KMT2C: variants seen among roughly 807,000 people sequenced by gnomAD.
KMT2C encodes lysine methyltransferase 2C, also known as histone-lysine N-methyltransferase 2C.
Under a neutral mutation model 507.9 loss-of-function variants are expected in KMT2C, and 88 were observed. That is an observed-to-expected ratio of 0.17 (90% CI 0.15 to 0.21). The LOEUF (loss-of-function observed/expected upper bound fraction) is 0.21, where lower values mean the gene tolerates loss of function less well. Among genes scored for constraint, KMT2C ranks in the 10% least tolerant of loss-of-function variants. The probability of loss-of-function intolerance (pLI) is 1.00; values close to 1 mark genes in which losing one functional copy is unlikely to be tolerated. For synonymous variants in KMT2C, 2,049 were observed against 2,080.8 expected (o/e 0.98, Z 0.42); for missense variants, 4,954 against 5,957.8 (o/e 0.83, Z 5.55).
chr7:152,344,266 A>G (rs2097030038), intron 2 of KMT2C, among the ~76,000 whole-genome samples: 3 of 152,298 alleles, frequency 2.0e-5, no homozygotes, highest in Middle Eastern at 6.8e-3. Flanking sequence ...CTGAAACCAA[A>G]TAACAGCAAA....
Position 152,174,245 on chromosome 7 carries a change from A to T in KMT2C, c.9263-3T>A, listed in dbSNP as rs2093094758. On this transcript the variant is annotated splice_polypyrimidine_tract_variant and splice_region_variant and intron_variant, in intron 38 of 58. Coordinates refer to ENST00000262189, the MANE Select transcript of KMT2C (RefSeq NM_170606.3). ...AGGATCTGTAATTGCATCAAAATCT[A>T]GAAAAGAAATATAAAGTTACTTATT... 1 of 1,453,134 alleles carries T rather than the reference A, an allele frequency of 6.9e-7. No homozygotes were observed. Among genetic ancestry groups the T allele is most frequent in the South Asian group, 1.2e-5 (1 of 84,792 alleles). The allele number at this position is 1,453,134 out of a possible 1,614,324, so 90.0% of individuals were successfully genotyped here. A position where few individuals can be genotyped will look rare whatever the true frequency, so the allele number is the denominator to read the frequency against.
chr7:152,162,030 G>C, intron 43 of KMT2C, 87 bp downstream of exon 43: 2 of 1,380,838 alleles, frequency 1.4e-6, no homozygotes, highest in Non-Finnish European at 1.9e-6. Flanking sequence ...GTAGAATAAT[G>C]TGGAAATACA....
rs758841277 is a variant in KMT2C, at chr7:152,162,192, C to A, written c.11385G>T (p.Glu3795Asp). 5 of 1,613,144 alleles carry A rather than the reference C, an allele frequency of 3.1e-6. No individual in the cohort carries two copies. The highest frequency in any genetic ancestry group is 3.4e-6 in the Non-Finnish European group (4 of 1,179,758). ...AGTCATCTTCTGAACAAATACTGCC[C>A]TCAGGTTTTTGATTCAAAAGAGAAG... ...KSSSLLNQKP[E>D]GSICSEDDCT... The change falls in exon 43 of 59, where the codon GAG becomes GAT. Residue 3795 changes from glutamate to aspartate, a missense_variant. Glu to Asp is a conservative substitution (Grantham distance 45). This residue lies in a region of KMT2C where 801 missense variants were observed against 751.2 expected (regional missense o/e 1.07). Transcript: ENST00000262189.
chr7:152,252,664 G>A lies in KMT2C; in HGVS notation c.1351C>T (p.His451Tyr). The A allele has an allele frequency of 2.5e-6, 4 of 1,612,902 alleles. No homozygotes were observed. The highest frequency in any genetic ancestry group is 3.4e-6 in the Non-Finnish European group (4 of 1,179,128). The change falls in exon 10 of 59, where the codon CAC becomes TAC. Residue 451 changes from histidine to tyrosine, a missense_variant. His to Tyr is a moderately conservative substitution (Grantham distance 83). This residue lies in a region of KMT2C where 376 missense variants were observed against 352.4 expected (regional missense o/e 1.07). Coordinates refer to ENST00000262189, the MANE Select transcript of KMT2C (RefSeq NM_170606.3). The part of the protein sequence containing the change: ...CGTRSSSQWH[H>Y]NCLICDNCYQ... ...CAATTGTCACATATCAGGCAATTGT[G>A]GTGCCACTGAGAACTAGACCGTGTG...
chr7:152,307,195 G>GAGGAAGGA (rs565184971), intron 6 of KMT2C, among the ~76,000 whole-genome samples: 2,586 of 64,672 alleles, frequency 0.04, 75 homozygotes, highest in East Asian at 0.068. Flanking sequence ...AAAGAAGAGG[G>GAGGAAGGA]AGGAAGGAAG....
rs571059296 is a variant in KMT2C at position 152,292,991 on chromosome 7, C to T, written c.849+16975G>A. 4.6e-5 allele frequency among the ~76,000 whole-genome samples: 7 copies of T among 152,258 alleles called. 1 individual carries two copies. The South Asian group carries it at 1.4e-3, about 32-fold the overall frequency. On this transcript the variant is annotated intron_variant, in intron 6 of 58. Transcript: ENST00000262189. ...TTTATACAGCTTTTCTAATTGTTCT[C>T]AGTGGAAAGGCTAGTCTAAACCAAG...
At chr7:152,198,033 C>A (rs1015113459) in intron 27 of KMT2C, among the ~76,000 whole-genome samples, 9 of 143,752 alleles carry the variant, frequency 6.3e-5, no homozygotes, top group African/African-American at 2.7e-4. Flanking sequence ...CTATTTAAGT[C>A]TTCAAAGTGG....
chr7:152,267,513 T>C (rs1167650324), intron 7 of KMT2C, among the ~76,000 whole-genome samples: 1 of 152,168 alleles, frequency 6.6e-6, no homozygotes, highest in Admixed American at 6.5e-5. Flanking sequence ...TGTATGTTTA[T>C]AGTTTAGTCT....
chr7:152,312,065 T>C (rs1354508567), intron 4 of KMT2C, 119 bp from the exon 5 acceptor site: 1 of 691,372 alleles, frequency 1.4e-6, no homozygotes, highest in African/African-American at 1.8e-5. Flanking sequence ...TTAACTGTCA[T>C]AAAACAACTT....
rs771311951 is a variant in KMT2C at position 152,162,620 on chromosome 7, G to A, written c.10957C>T (p.Pro3653Ser). 82 of 1,614,260 alleles carry A rather than the reference G, an allele frequency of 5.1e-5. 1 individual carries two copies. The Middle Eastern group carries it at 3.8e-3, about 75-fold the overall frequency. ...ACCGACTCTTGGTCGGCTTGTTGAG[G>A]AAGCTCACTGGGTGTGCTCACTGCA... is the stretch of plus-strand genomic sequence containing the variant. ...TPAVSTPSELPQQADQESVEP... is the reference protein window; with the variant it reads ...TPAVSTPSELSQQADQESVEP... Residue 3653 changes from proline (P) to serine (S), a missense_variant, in exon 43 of 59, where the codon CCT becomes TCT. Transcript: ENST00000262189.
intron 16 of KMT2C, among the ~76,000 whole-genome samples, chr7:152,230,870 T>A (rs1023614483): frequency 6.6e-6 from 1 of 152,128 alleles, no homozygotes; most frequent in Non-Finnish European, 1.5e-5. Context: ...CAGGCTGGAG[T>A]GTAATGGCGC....
At chr7:152,431,907 G>T (rs945751354) in intron 1 of KMT2C, among the ~76,000 whole-genome samples, 3 of 152,134 alleles carry the variant, frequency 2.0e-5, no homozygotes, top group African/African-American at 7.2e-5. Context: ...GGTATATATT[G>T]TAATGCAGTA....
At chr7:152,186,616 G>A (rs549941338) in intron 33 of KMT2C, among the ~76,000 whole-genome samples, 1 of 152,358 alleles carries the variant, frequency 6.6e-6, no homozygotes, top group East Asian at 1.9e-4. Context: ...TTAAGAGTTT[G>A]TGTATTGATA....
intron 1 of KMT2C, among the ~76,000 whole-genome samples, chr7:152,423,840 C>T (rs2097793990): frequency 1.3e-5 from 2 of 152,180 alleles, no homozygotes; most frequent in African/African-American, 4.8e-5. Context: ...GATCTCTGTA[C>T]AAGTCAACAA....
intron 2 of KMT2C, among the ~76,000 whole-genome samples, chr7:152,339,398 T>C (rs551957400): frequency 6.6e-6 from 1 of 152,298 alleles, no homozygotes; most frequent in Non-Finnish European, 1.5e-5. Context: ...ATGCAGTTGT[T>C]GCAGATATCC....
At chr7:152,206,651 T>A (rs2885115) in intron 24 of KMT2C, among the ~76,000 whole-genome samples, 17,145 of 152,148 alleles carry the variant, frequency 0.11, 2,215 homozygotes, top group African/African-American at 0.31. Context: ...ACACGTGTGA[T>A]AAGCGGGAAA....
intron 14 of KMT2C, among the ~76,000 whole-genome samples, chr7:152,241,519 T>C (rs918551995): frequency 3.3e-5 from 5 of 152,256 alleles, no homozygotes; most frequent in Non-Finnish European, 2.9e-5. Context: ...CCTTCAGGTA[T>C]GGCCTTACAT....
intron 34 of KMT2C, among the ~76,000 whole-genome samples, chr7:152,184,134 A>C (rs1227996756): frequency 6.6e-6 from 1 of 151,790 alleles, no homozygotes; most frequent in Non-Finnish European, 1.5e-5. Context: ...TAAAAAAAAA[A>C]AAATCTGGAT....
intron 6 of KMT2C, among the ~76,000 whole-genome samples, chr7:152,285,138 T>C (rs962869794): frequency 3.3e-5 from 5 of 152,420 alleles, no homozygotes; most frequent in African/African-American, 7.2e-5. Flanking sequence ...TGGCCAAAAA[T>C]TGAACGAAAC....
Sources: allele counts gnomAD v4.1 joint callset (sites outside exome capture counted in the v4.1 genomes callset), GRCh38; gene constraint gnomAD v4.1.1; regional missense constraint gnomAD v4.1.1; transcripts MANE v1.5; gene names NCBI Gene and HGNC (gene_info 2026-07-23, HGNC 2026-07-21).